SBF2: variants seen among roughly 807,000 people sequenced by gnomAD.
The protein encoded by SBF2 is SET binding factor 2, also known as myotubularin-related protein 13.
Under a neutral mutation model 225.2 loss-of-function variants are expected in SBF2, and 112 were observed. That is an observed-to-expected ratio of 0.50 (90% CI 0.43 to 0.58). The LOEUF (loss-of-function observed/expected upper bound fraction) is 0.58. Ranked by LOEUF, SBF2 falls within the 20% of genes least tolerant of loss-of-function variation. SBF2 has a pLI of 0.00. For synonymous variants in SBF2, 763 were observed against 773.3 expected (o/e 0.99, Z 0.22); for missense variants, 1,996 against 2,206.2 (o/e 0.90, Z 1.91).
At chr11:10,026,813 T>C (rs376709351) in intron 6 of SBF2, among the ~76,000 whole-genome samples, 3 of 152,066 alleles carry the variant, frequency 2.0e-5, no homozygotes, top group African/African-American at 7.2e-5. Flanking sequence ...TTTGGAGACA[T>C]GCCACCAGGA....
intron 17 of SBF2, among the ~76,000 whole-genome samples, chr11:9,859,995 C>A (rs1182133198): frequency 1.3e-5 from 2 of 152,132 alleles, no homozygotes; most frequent in Non-Finnish European, 2.9e-5. Context: ...TGAGGGTGCA[C>A]AGGGATCATT....
chr11:10,198,089 T>C (rs1565346518), intron 1 of SBF2, among the ~76,000 whole-genome samples: 2 of 152,218 alleles, frequency 1.3e-5, no homozygotes, highest in South Asian at 4.1e-4. Flanking sequence ...CCATGAATTA[T>C]GAAGTTATAA....
intron 1 of SBF2, among the ~76,000 whole-genome samples, chr11:10,196,863 TA>T (rs368255386): frequency 0.058 from 1,320 of 22,724 alleles, 51 homozygotes; most frequent in Admixed American, 0.21. Flanking sequence ...TATATATATA[TA>T]TATTTTTTTT....
chr11:10,255,446 T>C (rs1960786940), intron 1 of SBF2, among the ~76,000 whole-genome samples: 1 of 152,180 alleles, frequency 6.6e-6, no homozygotes, highest in Admixed American at 6.5e-5. Flanking sequence ...TTATAAATAT[T>C]TGAAATATAA....
In SBF2 at chr11:10,223,399, T is replaced by TTATATATATATA. The variant is rs3074175; in HGVS notation, c.56-29424_56-29413dup. 2.0e-3 allele frequency among the ~76,000 whole-genome samples: 121 copies of TTATATATATATA among 59,218 alleles called. 2 individuals carry two copies. Among genetic ancestry groups the TTATATATATATA allele is most frequent in the Non-Finnish European group, 2.5e-3 (74 of 29,352 alleles). 38.8% of individuals were successfully genotyped at this position (59,218 alleles called of 152,430 possible). On this transcript the variant is annotated intron_variant, in intron 1 of 39. Transcript: ENST00000256190. ...CAATAAACAACACATATTTTGCACA[T>TTATATATATATA]TATATATATATATATATATATATAT...
chr11:9,875,638 G>A (rs1326977766), intron 17 of SBF2, among the ~76,000 whole-genome samples: 1 of 152,186 alleles, frequency 6.6e-6, no homozygotes, highest in Non-Finnish European at 1.5e-5. Flanking sequence ...TGGAAAAAAG[G>A]GTGTGGAACA....
At chr11:10,229,665 G>A (rs1359703904) in intron 1 of SBF2, among the ~76,000 whole-genome samples, 4 of 152,210 alleles carry the variant, frequency 2.6e-5, no homozygotes, top group African/African-American at 4.8e-5. Flanking sequence ...TGATTGCACT[G>A]TGGTCTGAGA....
At chr11:9,993,257 C>A (rs1394480077) in intron 10 of SBF2, among the ~76,000 whole-genome samples, 154 bp from the exon 11 acceptor site, 1 of 152,122 alleles carries the variant, frequency 6.6e-6, no homozygotes, top group Non-Finnish European at 1.5e-5. Context: ...GAAGAAAAAA[C>A]TCTCAAGATT....
At chr11:9,972,978 T>C (rs1039934551) in intron 13 of SBF2, among the ~76,000 whole-genome samples, 5 of 152,222 alleles carry the variant, frequency 3.3e-5, no homozygotes, top group Admixed American at 3.3e-4. Flanking sequence ...TGTTAAATTA[T>C]GATATATTTA....
intron 2 of SBF2, among the ~76,000 whole-genome samples, chr11:10,109,183 G>A (rs1952719420): frequency 7.0e-6 from 1 of 143,432 alleles, no homozygotes; most frequent in African/African-American, 2.5e-5. Flanking sequence ...TCAAAGGTAT[G>A]TGTGTATATA....
chr11:10,266,754 A>G (rs1191188470), intron 1 of SBF2, among the ~76,000 whole-genome samples: 2 of 152,318 alleles, frequency 1.3e-5, no homozygotes, highest in East Asian at 1.9e-4. Context: ...ATTTCCCAGG[A>G]TAAGTTTTGG....
chr11:10,053,327 A>T (rs1950128188), intron 2 of SBF2, among the ~76,000 whole-genome samples: 1 of 152,144 alleles, frequency 6.6e-6, no homozygotes, highest in East Asian at 1.9e-4. Context: ...TAGAGCATGC[A>T]CAAGTTGAGC....
At chr11:10,111,447 G>A (rs1247460674) in intron 2 of SBF2, among the ~76,000 whole-genome samples, 1 of 152,170 alleles carries the variant, frequency 6.6e-6, no homozygotes, top group Non-Finnish European at 1.5e-5. Flanking sequence ...ATACTATAAA[G>A]AACCAGAAGT....
chr11:10,280,921 C>T (rs758407455), intron 1 of SBF2, among the ~76,000 whole-genome samples: 5 of 152,164 alleles, frequency 3.3e-5, no homozygotes, highest in Admixed American at 6.5e-5. Context: ...AGTTAACTTT[C>T]GGCCCTAAAG....
At chr11:9,812,035 G>T (rs551497813) in intron 30 of SBF2, among the ~76,000 whole-genome samples, 34 of 150,298 alleles carry the variant, frequency 2.3e-4, no homozygotes, top group African/African-American at 3.7e-4. Context: ...TAGACACTGT[G>T]TTTTTTTTTC....
At chr11:10,104,682 T>C (rs74671309) in intron 2 of SBF2, among the ~76,000 whole-genome samples, 5 of 152,186 alleles carry the variant, frequency 3.3e-5, no homozygotes, top group African/African-American at 9.7e-5. Context: ...AATAGTCACA[T>C]TAGATTCTAC....
chr11:9,978,910 G>A (rs1283257472), intron 13 of SBF2, among the ~76,000 whole-genome samples: 1 of 152,156 alleles, frequency 6.6e-6, no homozygotes, highest in Non-Finnish European at 1.5e-5. Flanking sequence ...GAGGTAGGAG[G>A]ATTGCTGGAG....
intron 1 of SBF2, among the ~76,000 whole-genome samples, chr11:10,293,540 G>A (rs79213601): frequency 0.025 from 3,735 of 152,314 alleles, 124 homozygotes; most frequent in African/African-American, 0.075. Context: ...CAGCACAGGG[G>A]TGAGTTAGCA....
intron 16 of SBF2, among the ~76,000 whole-genome samples, chr11:9,955,980 G>C (rs7114044): frequency 0.27 from 40,364 of 151,844 alleles, 5,750 homozygotes; most frequent in Admixed American, 0.36. Context: ...TAGTTGAATT[G>C]TCCTTTTTTT....
Sources: gnomAD v4.1 joint callset for allele counts (sites outside exome capture counted in the v4.1 genomes callset) on GRCh38, gnomAD v4.1.1 for gene constraint, MANE v1.5 for transcripts, NCBI Gene and HGNC (gene_info 2026-07-23, HGNC 2026-07-21) for gene names.